CTNNA3: variants seen among roughly 807,000 people sequenced by gnomAD.
The protein encoded by CTNNA3 is catenin alpha-3.
In CTNNA3, 76 loss-of-function variants were observed where a neutral mutation model predicts 95.7. That is an observed-to-expected ratio of 0.79 (90% confidence interval 0.66 to 0.96). The LOEUF is 0.96. Ranked by LOEUF, CTNNA3 falls within the 40% of genes least tolerant of loss-of-function variation. The probability of loss-of-function intolerance (pLI) is 0.00; values close to 1 mark genes in which losing one functional copy is unlikely to be tolerated. For missense variants in CTNNA3, 1,191 were observed against 1,089.8 expected, an observed-to-expected ratio of 1.09 and a Z score of -1.31; for synonymous variants, 431 against 374.4, an observed-to-expected ratio of 1.15 and a Z score of -1.74.
chr10:65,968,218 T>C (rs716906), intron 16 of CTNNA3, among the ~76,000 whole-genome samples: 58,734 of 151,510 alleles, frequency 0.39, 12,065 homozygotes, highest in African/African-American at 0.52. Context: ...AGGGAGACAC[T>C]ATCTCTACAA....
chr10:67,181,227 CT>C (rs1452514909), intron 6 of CTNNA3, among the ~76,000 whole-genome samples: 5 of 152,180 alleles, frequency 3.3e-5, no homozygotes, highest in Non-Finnish European at 7.3e-5. Context: ...AACAAAACTG[CT>C]TCTTCCTGTT....
intron 11 of CTNNA3, among the ~76,000 whole-genome samples, chr10:66,392,571 A>T (rs1178603590): frequency 6.6e-6 from 1 of 152,198 alleles, no homozygotes; most frequent in East Asian, 1.9e-4. Context: ...CAATTAAAAA[A>T]TGAGCAAAAG....
intron 5 of CTNNA3, among the ~76,000 whole-genome samples, chr10:67,443,506 T>C (rs1846613853): frequency 6.6e-6 from 1 of 152,098 alleles, no homozygotes; most frequent in Admixed American, 6.6e-5. Context: ...TGTGAGATGA[T>C]ATCTCATTGT....
intron 13 of CTNNA3, among the ~76,000 whole-genome samples, chr10:66,199,156 C>A (rs1022236345): frequency 2.6e-5 from 4 of 151,980 alleles, no homozygotes; most frequent in Non-Finnish European, 5.9e-5. Flanking sequence ...CCTTGGCTTA[C>A]CTTCTCGGAG....
intron 17 of CTNNA3, among the ~76,000 whole-genome samples, chr10:65,954,468 A>G (rs550446489): frequency 6.6e-6 from 1 of 152,276 alleles, no homozygotes; most frequent in Non-Finnish European, 1.5e-5. Context: ...GCCCGTGCCT[A>G]TGTCCTGAAT....
upstream of CTNNA3, among the ~76,000 whole-genome samples, chr10:67,701,064 G>A (rs1006955589): frequency 6.6e-6 from 1 of 152,150 alleles, no homozygotes; most frequent in Non-Finnish European, 1.5e-5. Flanking sequence ...AGGGAGAAGG[G>A]AAGTTTAGAG....
chr10:66,705,807 T>C (rs1848098858), intron 9 of CTNNA3, among the ~76,000 whole-genome samples: 1 of 152,076 alleles, frequency 6.6e-6, no homozygotes, highest in African/African-American at 2.4e-5. Context: ...GATTTTTGTC[T>C]TAGGCTTTAT....
chr10:66,957,044 C>A (rs928694381), intron 7 of CTNNA3, among the ~76,000 whole-genome samples: 17 of 152,142 alleles, frequency 1.1e-4, no homozygotes, highest in Non-Finnish European at 2.1e-4. Flanking sequence ...AGCCATAATG[C>A]TACCTAGCTC....
At chr10:67,756,484 G>A (rs1372974988) in intron 1 of CTNNA3, among the ~76,000 whole-genome samples, 3 of 151,756 alleles carry the variant, frequency 2.0e-5, no homozygotes, top group African/African-American at 7.3e-5. Context: ...TTTTTTAAAA[G>A]GCAAGTAACA....
At chr10:67,100,658 G>A (rs1211356698) in intron 7 of CTNNA3, among the ~76,000 whole-genome samples, 2 of 151,572 alleles carry the variant, frequency 1.3e-5, no homozygotes, top group Admixed American at 1.3e-4. Context: ...AAAATGGAAA[G>A]TTTCACCCAG....
At chr10:66,583,628 G>A (rs1446711079) in intron 10 of CTNNA3, among the ~76,000 whole-genome samples, 5 of 151,460 alleles carry the variant, frequency 3.3e-5, no homozygotes, top group African/African-American at 9.7e-5. Flanking sequence ...TTTTGAAGGA[G>A]CTATTTTTTG....
chr10:67,168,402 G>A (rs775372206), intron 7 of CTNNA3, among the ~76,000 whole-genome samples: 12 of 152,038 alleles, frequency 7.9e-5, no homozygotes, highest in Non-Finnish European at 1.5e-4. Context: ...CTGGCAAACC[G>A]AATCCAGCAG....
intron 2 of CTNNA3, among the ~76,000 whole-genome samples, chr10:67,645,304 A>G (rs55666837): frequency 0.086 from 13,148 of 152,138 alleles, 1,315 homozygotes; most frequent in African/African-American, 0.24. Context: ...CAAAATATCT[A>G]TTAGTTTCAG....
intron 5 of CTNNA3, among the ~76,000 whole-genome samples, chr10:67,375,932 A>T (rs1162090185): frequency 6.6e-6 from 1 of 152,178 alleles, no homozygotes; most frequent in Non-Finnish European, 1.5e-5. Context: ...AGGAAGGCGG[A>T]ACCCTTATGA....
chr10:66,612,749 A>G (rs1202177023), intron 10 of CTNNA3, among the ~76,000 whole-genome samples: 2 of 152,004 alleles, frequency 1.3e-5, no homozygotes, highest in Admixed American at 1.3e-4. Context: ...TTCAATTTCT[A>G]TTACATGTTT....
chr10:67,526,988 T>C (rs1235806145), intron 4 of CTNNA3, among the ~76,000 whole-genome samples: 1 of 152,204 alleles, frequency 6.6e-6, no homozygotes, highest in Non-Finnish European at 1.5e-5. Flanking sequence ...CCAGGTACAG[T>C]GGCTCACGCT....
chr10:66,955,060 TATC>T (rs1317900524), intron 7 of CTNNA3, among the ~76,000 whole-genome samples: 1 of 152,194 alleles, frequency 6.6e-6, no homozygotes, highest in Non-Finnish European at 1.5e-5. Flanking sequence ...CCAAATTTCT[TATC>T]ATATAATACA....
At chr10:66,047,223 A>G (rs758658863) in intron 15 of CTNNA3, among the ~76,000 whole-genome samples, 1 of 152,180 alleles carries the variant, frequency 6.6e-6, no homozygotes, top group Non-Finnish European at 1.5e-5. Context: ...TGATGAAAAA[A>G]TCCTCAACAA....
intron 15 of CTNNA3, among the ~76,000 whole-genome samples, chr10:66,007,628 C>T (rs948080298): frequency 2.7e-5 from 4 of 149,938 alleles, no homozygotes; most frequent in African/African-American, 9.8e-5. Context: ...TTGGACCTGG[C>T]TTTATATTAG....
Sources: gnomAD v4.1 joint callset for allele counts (sites outside exome capture counted in the v4.1 genomes callset) on GRCh38, gnomAD v4.1.1 for gene constraint, MANE v1.5 for transcripts, NCBI Gene and HGNC (gene_info 2026-07-23, HGNC 2026-07-21) for gene names.